Variants in TUBA1C observed in about 807,000 individuals in gnomAD.
TUBA1C encodes tubulin alpha-1C chain.
In TUBA1C, 16 loss-of-function variants were observed where a neutral mutation model predicts 34.9. That is an observed-to-expected ratio of 0.46 (90% CI 0.31 to 0.70). The LOEUF is 0.70. Ranked by LOEUF, TUBA1C falls within the 30% of genes least tolerant of loss-of-function variation. The pLI is 0.05. For synonymous variants in TUBA1C, 177 were observed against 215.9 expected (o/e 0.82, Z 1.58); for missense variants, 329 against 587.3 (o/e 0.56, Z 4.55).
At chr12:49,240,296 G>GAAAAAAAAAAA (rs201018194) in intron 1 of TUBA1C, among the ~76,000 whole-genome samples, 1 of 81,968 alleles carries the variant, frequency 1.2e-5, no homozygotes, top group Non-Finnish European at 2.5e-5. Flanking sequence ...ACCATTCTCT[G>GAAAAAAAAAAA]AAAAAAAAAA....
rs373730264 is a variant in TUBA1C at position 49,272,571 on chromosome 12, A to G, written c.694A>G (p.Ser232Gly). ...CTACACTAACCTTAACCGCCTTATT[A>G]GCCAGATTGTGTCCTCCATCACTGC... is the stretch of plus-strand genomic sequence containing the variant. ...PTYTNLNRLI[S>G]QIVSSITASL... Residue 232 changes from serine to glycine, a missense_variant, in exon 4 of 4, where the codon AGC (serine) becomes GGC (glycine). Ser to Gly is a moderately conservative substitution (Grantham distance 56). This residue lies in a region of TUBA1C where 140 missense variants were observed against 289.8 expected (regional missense o/e 0.48). Transcript: ENST00000301072. The G allele has an allele frequency of 3.1e-6, 5 of 1,607,948 alleles. No homozygotes were observed. In the African/African-American group the frequency reaches 6.7e-5, roughly 22 times the overall value.
At chr12:49,249,930 C>CT (rs1456294610) in intron 1 of TUBA1C, among the ~76,000 whole-genome samples, 1 of 152,020 alleles carries the variant, frequency 6.6e-6, no homozygotes, top group African/African-American at 2.4e-5. Flanking sequence ...GACATGGTGG[C>CT]TTATGCCTGT....
intron 1 of TUBA1C, chr12:49,228,202 C>A: frequency 6.5e-7 from 1 of 1,527,144 alleles, no homozygotes; most frequent in Non-Finnish European, 8.8e-7. Flanking sequence ...TAAATAGCTT[C>A]ATCATGCACG....
intron 1 of TUBA1C, among the ~76,000 whole-genome samples, chr12:49,267,526 G>T (rs1185220715): frequency 6.6e-6 from 1 of 152,208 alleles, no homozygotes; most frequent in Non-Finnish European, 1.5e-5. Context: ...AGGCATGGTG[G>T]TGGGCACCTG....
In TUBA1C at chr12:49,273,319, A is replaced by ATGTTT; in HGVS notation, c.*92_*93insTGTTT. 1 of 1,608,312 alleles carries ATGTTT rather than the reference A, an allele frequency of 6.2e-7. No homozygotes were observed. Among genetic ancestry groups the ATGTTT allele is most frequent in the South Asian group, 1.1e-5 (1 of 90,770 alleles). ...TTGCCGTAAATTGTTAATAAAATTGAAGTTTCCATTTTAAATGTCGAGCTG... is the reference window on the plus strand; with the variant it reads ...TTGCCGTAAATTGTTAATAAAATTGATGTTTAGTTTCCATTTTAAATGTCGAGCTG... On this transcript the variant is annotated 3_prime_UTR_variant, in exon 4 of 4. Coordinates refer to ENST00000301072, the MANE Select transcript of TUBA1C (RefSeq NM_032704.5).
intron 1 of TUBA1C, among the ~76,000 whole-genome samples, chr12:49,237,366 C>T (rs775526624): frequency 4.6e-5 from 7 of 151,644 alleles, no homozygotes; most frequent in African/African-American, 9.7e-5. Flanking sequence ...TGCGGTGAGC[C>T]GAGATCGTGC....
chr12:49,234,004 G>T (rs1328076684), intron 1 of TUBA1C: 1 of 152,258 alleles, frequency 6.6e-6, no homozygotes, highest in African/African-American at 2.4e-5. Flanking sequence ...GGAGAAAGGT[G>T]GTACCACAAG....
rs536362581 is a variant in TUBA1C at position 49,272,969 on chromosome 12, T to A, written c.1092T>A (p.Pro364=). The change falls in exon 4 of 4, where the codon CCT becomes CCA. Residue 364 remains proline, a synonymous_variant. Transcript: ENST00000301072. ...GINYQPPTVV[P]GGDLAKVQRA... is the part of the protein sequence containing the mutation. The stretch of plus-strand genomic sequence containing the variant: ...ATTACCAGCCTCCCACTGTGGTGCC[T>A]GGCGGAGACCTGGCCAAGGTACAGA... The A allele has an allele frequency of 5.6e-5, 91 of 1,614,246 alleles. 1 individual carries two copies. The South Asian group carries it at 9.9e-4, about 18-fold the overall frequency.
intron 1 of TUBA1C, among the ~76,000 whole-genome samples, chr12:49,254,502 A>C (rs1045630378): frequency 6.6e-6 from 1 of 150,544 alleles, no homozygotes; most frequent in Non-Finnish European, 1.5e-5. Context: ...AAAAAAAAAA[A>C]AAAAAACGGG....
At chr12:49,231,037 G>T (rs536255553) in intron 1 of TUBA1C, among the ~76,000 whole-genome samples, 1 of 152,268 alleles carries the variant, frequency 6.6e-6, no homozygotes, top group East Asian at 1.9e-4. Flanking sequence ...ATTTAGAAAG[G>T]TTGCACCATC....
At chr12:49,270,092 G>T (rs767324278) in intron 3 of TUBA1C, 116 bp downstream of exon 3, 21 of 1,582,216 alleles carry the variant, frequency 1.3e-5, no homozygotes, top group African/African-American at 1.3e-5. Context: ...CAACTAAAAT[G>T]TATCTGTTCA....
intron 3 of TUBA1C, among the ~76,000 whole-genome samples, chr12:49,270,741 G>A (rs1181528385): frequency 5.9e-5 from 9 of 152,342 alleles, no homozygotes; most frequent in Admixed American, 5.9e-4. Context: ...CCAGCACTGG[G>A]AGGCCAAGGT....
At chr12:49,270,217 C>A (rs754860826) in intron 3 of TUBA1C, 2 of 714,128 alleles carry the variant, frequency 2.8e-6, no homozygotes, top group Non-Finnish European at 4.7e-6. Flanking sequence ...CTTTTGAGGT[C>A]ATCTTAGTCA....
intron 3 of TUBA1C, chr12:49,270,272 CAG>C (rs1942973761): frequency 3.9e-6 from 2 of 514,658 alleles, no homozygotes; most frequent in Non-Finnish European, 7.0e-6. Flanking sequence ...ACTAATTGAT[CAG>C]AGTCATTTTT....
At chr12:49,262,099 G>A (rs1021518334), upstream of TUBA1C, among the ~76,000 whole-genome samples, 9 of 152,066 alleles carry the variant, frequency 5.9e-5, no homozygotes, top group Non-Finnish European at 1.0e-4. Flanking sequence ...CCTGGACCCT[G>A]AGGAGGGGAA....
intron 1 of TUBA1C, among the ~76,000 whole-genome samples, chr12:49,241,176 A>G (rs1418887941): frequency 6.6e-6 from 1 of 152,150 alleles, no homozygotes; most frequent in Non-Finnish European, 1.5e-5. Flanking sequence ...TGCTAGGATT[A>G]CAGGCTTGAG....
At chr12:49,236,474 G>A (rs1222138380) in intron 1 of TUBA1C, among the ~76,000 whole-genome samples, 1 of 152,208 alleles carries the variant, frequency 6.6e-6, no homozygotes. Flanking sequence ...CAACAAAACT[G>A]AATGTTGTAT....
rs139215369 is a variant in TUBA1C, at chr12:49,269,589, G to C, written c.128G>C (p.Gly43Ala). Reference protein sequence around the residue: ...DGQMPSDKTIGGGDDSFNTFF... With the variant: ...DGQMPSDKTIAGGDDSFNTFF... ...CAGATGCCAAGTGACAAGACCATTG[G>C]GGGAGGAGATGATTCCTTCAACACC... The change falls in exon 2 of 4, where the codon GGG (glycine) becomes GCG (alanine). Residue 43 changes from glycine (G) to alanine (A), a missense_variant. Gly to Ala is a moderately conservative substitution (Grantham distance 60). Coordinates refer to ENST00000301072, the MANE Select transcript of TUBA1C (RefSeq NM_032704.5). 9.9e-6 allele frequency: 16 copies of C among 1,614,076 alleles called. No individual in the cohort carries two copies. Among genetic ancestry groups the C allele is most frequent in the Admixed American group, 3.3e-5 (2 of 60,000 alleles).
At chr12:49,267,602 T>A (rs2137019188) in intron 1 of TUBA1C, among the ~76,000 whole-genome samples, 1 of 152,340 alleles carries the variant, frequency 6.6e-6, no homozygotes, top group African/African-American at 2.4e-5. Flanking sequence ...GAGTTTCCAC[T>A]GCACTCCAGC....
Sources: gnomAD v4.1 joint callset for allele counts (sites outside exome capture counted in the v4.1 genomes callset) on GRCh38, gnomAD v4.1.1 for gene constraint, gnomAD v4.1.1 regional missense constraint, MANE v1.5 for transcripts, NCBI Gene and HGNC (gene_info 2026-07-23, HGNC 2026-07-21) for gene names.